SMIM20: variants seen among roughly 807,000 people sequenced by gnomAD.
The protein encoded by SMIM20 is mitochondrial translation regulation assembly intermediate of cytochrome c oxidase protein of 7 kDa.
Under a neutral mutation model 8.7 loss-of-function variants are expected in SMIM20, and 3 were observed. The observed-to-expected ratio is 0.34, with a 90% confidence interval of 0.16 to 0.89. The LOEUF (loss-of-function observed/expected upper bound fraction) is 0.89, where lower values mean the gene tolerates loss of function less well. Ranked by LOEUF, SMIM20 falls within the 40% of genes least tolerant of loss-of-function variation. The probability of loss-of-function intolerance (pLI) is 0.49; values close to 1 mark genes in which losing one functional copy is unlikely to be tolerated. For synonymous variants in SMIM20, 44 were observed against 33.6 expected, an observed-to-expected ratio of 1.31 and a Z score of -1.07; for missense variants, 85 against 84.8, an observed-to-expected ratio of 1.00 and a Z score of -0.01.
rs1711587993 is a variant in SMIM20, at chr4:25,929,254, G to A, written c.*63G>A. 3 of 1,515,952 alleles carry A rather than the reference G, an allele frequency of 2.0e-6. No homozygotes were observed. 93.9% of individuals were successfully genotyped at this position (1,515,952 alleles called of 1,614,324 possible). On this transcript the variant is annotated 3_prime_UTR_variant, in exon 3 of 3. Coordinates refer to ENST00000506197, the MANE Select transcript of SMIM20 (RefSeq NM_001145432.3). ...CTTCATGCTTTCGATTCTGCATGGGGTACAGCCAGTCACCTCACCAGAGAA... is the reference window on the plus strand; with the variant it reads ...CTTCATGCTTTCGATTCTGCATGGGATACAGCCAGTCACCTCACCAGAGAA...
At position 25,917,933 on chromosome 4, in the gene SMIM20, G is replaced by GTTT. The variant is rs1252198807; in HGVS notation, c.109+3521_109+3523dup. Among the ~76,000 whole-genome samples, 78 of 139,184 alleles carry GTTT rather than the reference G, an allele frequency of 5.6e-4. 1 individual carries two copies. Among genetic ancestry groups the GTTT allele is most frequent in the African/African-American group, 1.7e-3 (63 of 37,810 alleles). The allele number at this position is 139,184 out of a possible 152,430, so 91.3% of individuals were successfully genotyped here. On this transcript the variant is annotated intron_variant, in intron 1 of 2. Coordinates refer to ENST00000506197, the MANE Select transcript of SMIM20 (RefSeq NM_001145432.3). ...TTGCTTTGGGGCCTGGTACAGGTCA[G>GTTT]TTTTTTTTTTTTGTTTTTTTTTTTT...
chr4:25,926,131 A>G (rs1391174231), intron 1 of SMIM20, among the ~76,000 whole-genome samples: 1 of 152,212 alleles, frequency 6.6e-6, no homozygotes, highest in Admixed American at 6.5e-5. Flanking sequence ...GACTTCTGCC[A>G]TTTCCCTTTT....
In SMIM20 at chr4:25,929,307, T is replaced by C. The variant is rs2109367321; in HGVS notation, c.*116T>C. 1 of 989,830 alleles carries C rather than the reference T, an allele frequency of 1.0e-6. No homozygotes were observed. Among genetic ancestry groups the C allele is most frequent in the Non-Finnish European group, 1.5e-6 (1 of 660,432 alleles). The allele number at this position is 989,830 out of a possible 1,614,324, so 61.3% of individuals were successfully genotyped here. ...ACGGCTGGAGAAGAAAACTCTGTAA[T>C]ACCATAAATAAGAGTGCTTGTAATA... On this transcript the variant is annotated 3_prime_UTR_variant, in exon 3 of 3. Transcript: ENST00000506197.
At chr4:25,915,870 T>TGGGG (rs1719083091) in intron 1 of SMIM20, among the ~76,000 whole-genome samples, 1 of 79,558 alleles carries the variant, frequency 1.3e-5, no homozygotes, top group Non-Finnish European at 2.5e-5. Context: ...GGGGGGGGGG[T>TGGGG]CGAGTGTTGC....
chr4:25,927,299 G>A (rs753706861), intron 1 of SMIM20, among the ~76,000 whole-genome samples: 16 of 152,224 alleles, frequency 1.1e-4, no homozygotes, highest in African/African-American at 2.2e-4. Flanking sequence ...CTATCAGGTC[G>A]GTCATTTAGG....
chr4:25,923,270 C>T (rs1194175242), intron 1 of SMIM20, among the ~76,000 whole-genome samples: 1 of 152,198 alleles, frequency 6.6e-6, no homozygotes, highest in Non-Finnish European at 1.5e-5. Flanking sequence ...GCTAATCTGT[C>T]TTTGTTTCCT....
intron 1 of SMIM20, among the ~76,000 whole-genome samples, chr4:25,924,025 C>T (rs1410526359): frequency 6.6e-6 from 1 of 152,104 alleles, no homozygotes; most frequent in African/African-American, 2.4e-5. Flanking sequence ...CCCTCCGTCC[C>T]TGGTTCTTTC....
intron 1 of SMIM20, among the ~76,000 whole-genome samples, chr4:25,916,998 C>T (rs761393833): frequency 6.6e-6 from 1 of 152,070 alleles, no homozygotes; most frequent in Non-Finnish European, 1.5e-5. Flanking sequence ...TATATTAACC[C>T]ATTTAGTGTT....
intron 1 of SMIM20, among the ~76,000 whole-genome samples, chr4:25,924,125 C>T (rs1254662672): frequency 1.4e-4 from 22 of 152,212 alleles, no homozygotes; most frequent in Admixed American, 1.4e-3. Flanking sequence ...CTGGTTCACA[C>T]TCACCACCAG....
At chr4:25,925,532 C>T (rs185446878) in intron 1 of SMIM20, among the ~76,000 whole-genome samples, 13 of 152,244 alleles carry the variant, frequency 8.5e-5, no homozygotes, top group East Asian at 1.9e-4. Flanking sequence ...CCACTGCGCC[C>T]GGCAGAGTTG....
In SMIM20 at chr4:25,916,283, G is replaced by A. The variant is rs937409876; in HGVS notation, c.109+1861G>A. On this transcript the variant is annotated intron_variant, in intron 1 of 2. Coordinates refer to ENST00000506197, the MANE Select transcript of SMIM20 (RefSeq NM_001145432.3). ...TGGAGTGCAGTGGCCTGATCTCGGCGCACTGCAGTCTCCATCTCCCAGGTT... is the reference window on the plus strand; with the variant it reads ...TGGAGTGCAGTGGCCTGATCTCGGCACACTGCAGTCTCCATCTCCCAGGTT... 5.1e-5 allele frequency among the ~76,000 whole-genome samples: 7 copies of A among 137,412 alleles called. No individual in the cohort carries two copies. In the South Asian group the frequency reaches 9.6e-4, roughly 19 times the overall value. The allele number at this position is 137,412 out of a possible 152,430, so 90.1% of individuals were successfully genotyped here.
At position 25,928,303 on chromosome 4, in the gene SMIM20, T is replaced by C. The variant is rs778894511; in HGVS notation, c.110-10T>C. 2.1e-5 allele frequency: 33 copies of C among 1,550,158 alleles called. No homozygotes were observed. In the African/African-American group the frequency reaches 4.0e-4, roughly 19 times the overall value. On this transcript the variant is annotated splice_polypyrimidine_tract_variant and intron_variant, in intron 1 of 2. Coordinates refer to ENST00000506197, the MANE Select transcript of SMIM20 (RefSeq NM_001145432.3). ...CTTCTAAAGAATGATTTTTCTCTTA[T>C]GTTTCTCAGAGAAGGAACAAGCTAT... is the stretch of plus-strand genomic sequence containing the variant.
intron 1 of SMIM20, among the ~76,000 whole-genome samples, chr4:25,927,103 C>G (rs1335163281): frequency 6.6e-6 from 1 of 152,220 alleles, no homozygotes; most frequent in Non-Finnish European, 1.5e-5. Flanking sequence ...TTGAGAGAAT[C>G]TTGGTTGCCA....
At chr4:25,921,233 C>A (rs961237022) in intron 1 of SMIM20, among the ~76,000 whole-genome samples, 31 of 152,126 alleles carry the variant, frequency 2.0e-4, no homozygotes, top group Middle Eastern at 6.8e-3. Flanking sequence ...CATTTGGGAG[C>A]CATATTTAAG....
chr4:25,915,127 CA>C (rs1245204679), intron 1 of SMIM20, among the ~76,000 whole-genome samples: 2 of 152,256 alleles, frequency 1.3e-5, no homozygotes, highest in Admixed American at 1.3e-4. Context: ...TCTTTTTCCT[CA>C]AATTGTTTTT....
In SMIM20 at chr4:25,926,118, C is replaced by G. The variant is rs544158469; in HGVS notation, c.110-2195C>G. On this transcript the variant is annotated intron_variant, in intron 1 of 2. Coordinates refer to ENST00000506197, the MANE Select transcript of SMIM20 (RefSeq NM_001145432.3). ...CCTGATTTGTTTACATAGTTAAACC[C>G]CTGACTTCTGCCATTTCCCTTTTCC... Among the ~76,000 whole-genome samples the G allele has an allele frequency of 2.0e-5, 3 of 152,268 alleles. No individual in the cohort carries two copies. The South Asian group carries it at 6.2e-4, about 32-fold the overall frequency.
chr4:25,928,218 T>C lies in SMIM20; in HGVS notation c.110-95T>C, dbSNP rs189958261. 2.8e-5 allele frequency: 36 copies of C among 1,268,184 alleles called. No homozygotes were observed. The East Asian group carries it at 6.9e-4, about 24-fold the overall frequency. 78.6% of individuals were successfully genotyped at this position (1,268,184 alleles called of 1,614,324 possible). A position where few individuals can be genotyped will look rare whatever the true frequency, so the allele number is the denominator to read the frequency against. Reference sequence around the variant, plus strand: ...TTTAACAGCACTCATAAATACTGTTTTCTAATTGTCCCATGTCATTGGCCC... The same window carrying C: ...TTTAACAGCACTCATAAATACTGTTCTCTAATTGTCCCATGTCATTGGCCC... On this transcript the variant is annotated intron_variant, in intron 1 of 2. Transcript: ENST00000506197.
intron 1 of SMIM20, among the ~76,000 whole-genome samples, chr4:25,927,858 A>T (rs539989381): frequency 6.6e-6 from 1 of 152,214 alleles, no homozygotes; most frequent in East Asian, 1.9e-4. Context: ...TCTATTTCCT[A>T]TCAAAAACAT....
intron 1 of SMIM20, among the ~76,000 whole-genome samples, chr4:25,915,437 G>A (rs573673939): frequency 2.4e-4 from 36 of 152,332 alleles, no homozygotes; most frequent in Non-Finnish European, 4.4e-4. Flanking sequence ...AAAGCTTGGC[G>A]AATTGAAGGC....
Sources: gnomAD v4.1 joint callset for allele counts (sites outside exome capture counted in the v4.1 genomes callset) on GRCh38, gnomAD v4.1.1 for gene constraint, MANE v1.5 for transcripts, NCBI Gene and HGNC (gene_info 2026-07-23, HGNC 2026-07-21) for gene names.